NETO2: variants seen among roughly 807,000 people sequenced by gnomAD.
NETO2 encodes the protein neuropilin and tolloid like 2, also known as neuropilin and tolloid-like protein 2.
Under a neutral mutation model 62.5 loss-of-function variants are expected in NETO2, and 28 were observed. The observed-to-expected ratio is 0.45, with a 90% CI of 0.33 to 0.61. NETO2 has a LOEUF of 0.61. NETO2 is among the 20% of genes least tolerant of loss of function. The pLI, the probability that NETO2 is intolerant of heterozygous loss-of-function variation, is 0.02. For missense variants in NETO2, 548 were observed against 643.2 expected (o/e 0.85, Z 1.60); for synonymous variants, 214 against 219.1 (o/e 0.98, Z 0.21).
intron 6 of NETO2, among the ~76,000 whole-genome samples, chr16:47,114,297 T>C (rs955072046): frequency 3.3e-5 from 5 of 151,786 alleles, no homozygotes; most frequent in Non-Finnish European, 7.4e-5. Context: ...TTTGTTCTTA[T>C]TGTTGAGTTT....
intron 3 of NETO2, 66 bp downstream of exon 3, chr16:47,129,158 T>A: frequency 6.7e-7 from 1 of 1,497,256 alleles, no homozygotes; most frequent in Non-Finnish European, 9.3e-7. Flanking sequence ...CATAGGTCAT[T>A]TTACCAACAT....
Position 47,142,447 on chromosome 16 carries a change from C to T in NETO2, c.34+1132G>A, listed in dbSNP as rs575263753. Among the ~76,000 whole-genome samples, 483 of 152,228 alleles carry T rather than the reference C, an allele frequency of 3.2e-3. 1 individual carries two copies. Among genetic ancestry groups the T allele is most frequent in the African/African-American group, 0.011 (474 of 41,512 alleles). On this transcript the variant is annotated intron_variant, in intron 1 of 8. Coordinates refer to ENST00000562435, the MANE Select transcript of NETO2 (RefSeq NM_018092.5). The stretch of plus-strand genomic sequence containing the variant: ...CAAAAGCAAAATTACACTGAACTTT[C>T]TAATAAAACAAATTTGAAAAAAGTG...
chr16:47,093,133 G>A (rs927887595), intron 7 of NETO2, among the ~76,000 whole-genome samples: 1 of 152,146 alleles, frequency 6.6e-6, no homozygotes, highest in African/African-American at 2.4e-5. Flanking sequence ...CCTGTAAGAT[G>A]AGTCTACATT....
chr16:47,113,074 C>T (rs1567390185), intron 6 of NETO2, among the ~76,000 whole-genome samples: 2 of 152,134 alleles, frequency 1.3e-5, no homozygotes, highest in Non-Finnish European at 1.5e-5. Flanking sequence ...TCTCTTTATG[C>T]ACAGGTATGA....
chr16:47,092,390 C>T (rs1182533577), intron 7 of NETO2, among the ~76,000 whole-genome samples: 1 of 152,160 alleles, frequency 6.6e-6, no homozygotes, highest in Admixed American at 6.5e-5. Context: ...ATTTCCAAAA[C>T]ATTCTCATTT....
intron 1 of NETO2, among the ~76,000 whole-genome samples, chr16:47,135,396 T>C (rs1964346583): frequency 6.6e-6 from 1 of 151,250 alleles, no homozygotes; most frequent in Non-Finnish European, 1.5e-5. Flanking sequence ...AAGGCGCTAA[T>C]TCTATAAGGC....
At chr16:47,142,963 C>CCGGGGGCCGGGACAAGCCGGGTCCG (rs1964490818) in intron 1 of NETO2, among the ~76,000 whole-genome samples, 3 of 151,846 alleles carry the variant, frequency 2.0e-5, no homozygotes, top group Non-Finnish European at 2.9e-5. Flanking sequence ...GCAGCGCTCC[C>CCGGGGGCCGGGACAAGCCGGGTCCG]CGGGGGCCGG....
chr16:47,086,016 G>A (rs944267249), intron 8 of NETO2, among the ~76,000 whole-genome samples: 2 of 152,134 alleles, frequency 1.3e-5, no homozygotes, highest in Non-Finnish European at 2.9e-5. Context: ...TAAGGCAGGA[G>A]AATGGTGTGA....
At chr16:47,118,543 C>T (rs1963969272) in intron 6 of NETO2, among the ~76,000 whole-genome samples, 1 of 152,170 alleles carries the variant, frequency 6.6e-6, no homozygotes, top group African/African-American at 2.4e-5. Context: ...GCCGGGATTC[C>T]CTCCATACTC....
intron 1 of NETO2, among the ~76,000 whole-genome samples, chr16:47,132,877 C>A (rs997641271): frequency 6.6e-6 from 1 of 152,108 alleles, no homozygotes; most frequent in African/African-American, 2.4e-5. Flanking sequence ...TGAATCTAGG[C>A]TAGGGTTCAA....
rs939886743 is a variant in NETO2, at chr16:47,135,323, G to A, written c.35-3298C>T. On this transcript the variant is annotated intron_variant, in intron 1 of 8. Coordinates refer to ENST00000562435, the MANE Select transcript of NETO2 (RefSeq NM_018092.5). ...TGCCACTGTTTCCTCTTACCAAAAG[G>A]ATCAATTATATCTCAAATACAGGAA... 3.9e-5 allele frequency among the ~76,000 whole-genome samples: 6 copies of A among 152,144 alleles called. No homozygotes were observed. In the East Asian group the frequency reaches 1.2e-3, roughly 29 times the overall value.
Position 47,081,465 on chromosome 16 carries a change from G to C in NETO2, c.*1756C>G, listed in dbSNP as rs1238963665. The C allele has an allele frequency of 6.6e-6, 1 of 152,352 alleles. No homozygotes were observed. The highest frequency in any genetic ancestry group is 2.4e-5 in the African/African-American group (1 of 41,404). 9.4% of individuals were successfully genotyped at this position (152,352 alleles called of 1,614,324 possible). On this transcript the variant is annotated 3_prime_UTR_variant, in exon 9 of 9. Transcript: ENST00000562435. ...TAAATCATGAATACATTATGTATAG[G>C]TTTTTCTGTCTCCTAAATATTATCT...
intron 4 of NETO2, among the ~76,000 whole-genome samples, chr16:47,123,257 T>C (rs1964078256): frequency 6.6e-6 from 1 of 152,218 alleles, no homozygotes; most frequent in African/African-American, 2.4e-5. Context: ...ATATTACAAT[T>C]TGTCTTCTAA....
intron 1 of NETO2, among the ~76,000 whole-genome samples, chr16:47,134,239 C>G (rs1017836046): frequency 3.9e-5 from 6 of 152,184 alleles, no homozygotes; most frequent in Non-Finnish European, 8.8e-5. Flanking sequence ...ATCTTAAAAT[C>G]TAATTCTTTG....
chr16:47,127,585 G>C (rs777008073), intron 4 of NETO2, among the ~76,000 whole-genome samples: 1 of 152,210 alleles, frequency 6.6e-6, no homozygotes, highest in African/African-American at 2.4e-5. Flanking sequence ...CAATGCTGGG[G>C]CATGCACTGG....
intron 7 of NETO2, among the ~76,000 whole-genome samples, chr16:47,105,377 A>G (rs570763718): frequency 6.6e-6 from 1 of 152,356 alleles, no homozygotes; most frequent in South Asian, 2.1e-4. Context: ...TACAAGAGCT[A>G]AAACTATAAA....
At chr16:47,118,394 C>T (rs990956807) in intron 6 of NETO2, among the ~76,000 whole-genome samples, 7 of 152,198 alleles carry the variant, frequency 4.6e-5, no homozygotes, top group Non-Finnish European at 8.8e-5. Context: ...TGCTCTAGTT[C>T]TCTCCTCTCC....
rs1160356233 is a variant in NETO2 at position 47,143,370 on chromosome 16, G to C, written c.34+209C>G. On this transcript the variant is annotated intron_variant, in intron 1 of 8. Transcript: ENST00000562435. ...CGCCCCGCGAACGTCGGCCGGACTCGCAGGGGTCGGAAGCGGCGCGCCCGG... is the reference window on the plus strand; with the variant it reads ...CGCCCCGCGAACGTCGGCCGGACTCCCAGGGGTCGGAAGCGGCGCGCCCGG... Among the ~76,000 whole-genome samples the C allele has an allele frequency of 2.6e-5, 4 of 151,958 alleles. No homozygotes were observed. The East Asian group carries it at 7.8e-4, about 29-fold the overall frequency.
chr16:47,137,286 T>C (rs1467290900), intron 1 of NETO2, among the ~76,000 whole-genome samples: 1 of 152,236 alleles, frequency 6.6e-6, no homozygotes, highest in Non-Finnish European at 1.5e-5. Context: ...TCAGAGACTC[T>C]GATCCACTGG....
Sources: allele counts gnomAD v4.1 joint callset (sites outside exome capture counted in the v4.1 genomes callset), GRCh38; gene constraint gnomAD v4.1.1; transcripts MANE v1.5; gene names NCBI Gene and HGNC (gene_info 2026-07-23, HGNC 2026-07-21).